Variants in ADGRE1 observed in about 807,000 individuals in gnomAD.
ADGRE1 encodes EGF-like module receptor 1.
In ADGRE1, 82 loss-of-function variants were observed where a neutral mutation model predicts 102.7. That is an observed-to-expected ratio of 0.80 (90% CI 0.67 to 0.96). ADGRE1 has a LOEUF of 0.96. Among genes scored for constraint, ADGRE1 ranks in the 40% least tolerant of loss-of-function variants. The probability of loss-of-function intolerance (pLI) is 0.00; values close to 1 mark genes in which losing one functional copy is unlikely to be tolerated. For synonymous variants in ADGRE1, 398 were observed against 399.6 expected (o/e 1.00, Z 0.05); for missense variants, 1,032 against 1,085.3 (o/e 0.95, Z 0.69).
At chr19:6,895,754 C>T (rs560617436) in intron 2 of ADGRE1, 3 of 152,350 alleles carry the variant, frequency 2.0e-5, no homozygotes, top group African/African-American at 7.2e-5. Context: ...AATGCAGATT[C>T]TGATTCAATG....
At chr19:6,893,923 TA>T (rs1973463862) in intron 2 of ADGRE1, among the ~76,000 whole-genome samples, 1 of 152,234 alleles carries the variant, frequency 6.6e-6, no homozygotes, top group Admixed American at 6.5e-5. Context: ...TTCCTGTATC[TA>T]GGGTCAACCA....
chr19:6,904,188 A>G lies in ADGRE1; in HGVS notation c.949+6A>G, dbSNP rs371254999. 7.4e-6 allele frequency: 12 copies of G among 1,613,376 alleles called. No homozygotes were observed. The highest frequency in any genetic ancestry group is 4.0e-5 in the African/African-American group (3 of 74,890). The stretch of plus-strand genomic sequence containing the variant: ...TGGCAACTTCAGCTGCCAAAGTAAT[A>G]ATCTCTTTGTATGTCTTGGCAATGG... On this transcript the variant is annotated splice_donor_region_variant and intron_variant, in intron 8 of 20. Coordinates refer to ENST00000312053, the MANE Select transcript of ADGRE1 (RefSeq NM_001974.5).
At chr19:6,915,005 T>TTAA (rs1974322561) in intron 11 of ADGRE1, among the ~76,000 whole-genome samples, 1 of 35,866 alleles carries the variant, frequency 2.8e-5, no homozygotes, top group African/African-American at 5.5e-5. Flanking sequence ...ATGTAGGGAG[T>TTAA]TAAGGTTTTT....
chr19:6,900,269 G>C (rs1482296562), intron 5 of ADGRE1, among the ~76,000 whole-genome samples: 1 of 149,616 alleles, frequency 6.7e-6, no homozygotes, highest in East Asian at 2.0e-4. Flanking sequence ...AAGACCAAGA[G>C]TTTGAGACCA....
chr19:6,928,063 A>G (rs1974992239), intron 16 of ADGRE1, 82 bp from the exon 17 acceptor site: 2 of 1,511,780 alleles, frequency 1.3e-6, no homozygotes, highest in Non-Finnish European at 1.8e-6. Context: ...GTTCTCCTCC[A>G]CTAGGGCATT....
chr19:6,914,811 G>T (rs1290885993), intron 11 of ADGRE1, among the ~76,000 whole-genome samples: 1 of 152,122 alleles, frequency 6.6e-6, no homozygotes, highest in Non-Finnish European at 1.5e-5. Context: ...TATATAGCAA[G>T]ATCAGAGTAA....
At chr19:6,935,908 C>G (rs1174555374) in intron 18 of ADGRE1, among the ~76,000 whole-genome samples, 1 of 152,164 alleles carries the variant, frequency 6.6e-6, no homozygotes, top group Non-Finnish European at 1.5e-5. Context: ...GTGAAATATT[C>G]TATCTCATTA....
At chr19:6,899,814 C>T (rs925586629) in intron 5 of ADGRE1, among the ~76,000 whole-genome samples, 9 of 151,480 alleles carry the variant, frequency 5.9e-5, no homozygotes, top group East Asian at 2.0e-4. Flanking sequence ...TTTAATCAGC[C>T]GGGCGCAGTG....
chr19:6,891,473 A>G (rs1027092922), intron 2 of ADGRE1, among the ~76,000 whole-genome samples: 1 of 136,144 alleles, frequency 7.3e-6, no homozygotes, highest in Non-Finnish European at 1.6e-5. Flanking sequence ...TTTTTTTTTG[A>G]GATAGATTCT....
intron 5 of ADGRE1, chr19:6,898,732 T>A: frequency 2.8e-6 from 2 of 717,982 alleles, no homozygotes. Context: ...TAATTAAGGG[T>A]CATCTCACTG....
chr19:6,898,515 G>A lies in ADGRE1; in HGVS notation c.514+968G>A. The stretch of plus-strand genomic sequence containing the variant: ...GTCTTGAGTGGATATCTATCAGTGG[G>A]GTGAGTTCATGTATTTCTGAACTGA... On this transcript the variant is annotated intron_variant, in intron 5 of 20. Transcript: ENST00000312053. 1.9e-6 allele frequency: 3 copies of A among 1,554,860 alleles called. No individual in the cohort carries two copies. In the South Asian group the frequency reaches 3.3e-5, roughly 17 times the overall value.
intron 11 of ADGRE1, among the ~76,000 whole-genome samples, chr19:6,915,915 C>T (rs560136214): frequency 9.3e-4 from 77 of 82,490 alleles, no homozygotes; most frequent in African/African-American, 1.8e-3. Flanking sequence ...AGTGAGACTC[C>T]GTCTCAAAAA....
chr19:6,938,873 G>GCAA (rs1325407232), intron 20 of ADGRE1, among the ~76,000 whole-genome samples: 2 of 148,312 alleles, frequency 1.3e-5, no homozygotes, highest in Non-Finnish European at 3.0e-5. Context: ...TTGGCTCATT[G>GCAA]CAACCTCTGC....
intron 5 of ADGRE1, among the ~76,000 whole-genome samples, chr19:6,900,544 C>T (rs1369629371): frequency 1.3e-5 from 2 of 152,158 alleles, no homozygotes; most frequent in Non-Finnish European, 2.9e-5. Flanking sequence ...ATCCTTGGTT[C>T]AGGCTTGATC....
At chr19:6,926,706 C>T in intron 16 of ADGRE1, 105 bp downstream of exon 16, 3 of 1,188,590 alleles carry the variant, frequency 2.5e-6, no homozygotes, top group Non-Finnish European at 3.7e-6. Flanking sequence ...GTTGTGGCTA[C>T]CATTTATCGA....
At chr19:6,896,845 C>T in intron 3 of ADGRE1, 1 of 478,240 alleles carries the variant, frequency 2.1e-6, no homozygotes, top group Non-Finnish European at 3.7e-6. Context: ...TTCCTGGTCA[C>T]TGTAAAATTT....
intron 12 of ADGRE1, 87 bp from the exon 13 acceptor site, chr19:6,919,460 GT>G: frequency 1.4e-6 from 1 of 714,128 alleles, no homozygotes; most frequent in Non-Finnish European, 2.4e-6. Context: ...GTGTGTGTGT[GT>G]GTGTGTGTGT....
At chr19:6,891,500 C>T (rs1973371157) in intron 2 of ADGRE1, among the ~76,000 whole-genome samples, 1 of 151,062 alleles carries the variant, frequency 6.6e-6, no homozygotes, top group African/African-American at 2.4e-5. Context: ...GTTGCCCAGG[C>T]TGGAGTGCAG....
chr19:6,925,753 G>A (rs1974878068), intron 15 of ADGRE1, among the ~76,000 whole-genome samples: 1 of 151,874 alleles, frequency 6.6e-6, no homozygotes, highest in Non-Finnish European at 1.5e-5. Flanking sequence ...CCAGGCTAGA[G>A]TGCAGTGGCC....
Sources: allele counts gnomAD v4.1 joint callset (sites outside exome capture counted in the v4.1 genomes callset), GRCh38; gene constraint gnomAD v4.1.1; transcripts MANE v1.5; gene names NCBI Gene and HGNC (gene_info 2026-07-23, HGNC 2026-07-21).